Variants in TEC observed in about 807,000 individuals in gnomAD.
TEC encodes the protein tyrosine-protein kinase Tec.
TEC carries 72 observed loss-of-function variants against 93.0 expected under a neutral mutation model. That is an observed-to-expected ratio of 0.77 (90% CI 0.64 to 0.94). The LOEUF is 0.94. Among genes scored for constraint, TEC ranks in the 40% least tolerant of loss-of-function variants. The pLI is 0.00. For synonymous variants in TEC, 249 were observed against 247.7 expected (o/e 1.01, Z -0.05); for missense variants, 630 against 757.9 (o/e 0.83, Z 1.98).
In TEC at chr4:48,137,357, C is replaced by T. The variant is rs1719468043; in HGVS notation, c.*59G>A. 2 of 1,395,536 alleles carry T rather than the reference C, an allele frequency of 1.4e-6. No individual in the cohort carries two copies. Among genetic ancestry groups the T allele is most frequent in the Non-Finnish European group, 2.0e-6 (2 of 992,034 alleles). The allele number at this position is 1,395,536 out of a possible 1,614,324, so 86.4% of individuals were successfully genotyped here. The stretch of plus-strand genomic sequence containing the variant: ...TCCAAGTGCTCAATAAATTAAAAGC[C>T]ACAAAATGCCCATCCTTCCTTGTGC... On this transcript the variant is annotated 3_prime_UTR_variant, in exon 18 of 18. Transcript: ENST00000381501.
intron 7 of TEC, among the ~76,000 whole-genome samples, chr4:48,165,647 A>C (rs775962147): frequency 9.2e-5 from 14 of 152,234 alleles, no homozygotes; most frequent in Non-Finnish European, 1.6e-4. Flanking sequence ...TCGCCAGTTC[A>C]CAAGAAATAC....
At position 48,137,364 on chromosome 4, in the gene TEC, T is replaced by A. The variant is rs1382662405; in HGVS notation, c.*52A>T. Reference sequence around the variant, plus strand: ...GCTCAATAAATTAAAAGCCACAAAATGCCCATCCTTCCTTGTGCTTGGGAA... The same window carrying A: ...GCTCAATAAATTAAAAGCCACAAAAAGCCCATCCTTCCTTGTGCTTGGGAA... On this transcript the variant is annotated 3_prime_UTR_variant, in exon 18 of 18. Transcript: ENST00000381501. 5 of 1,438,468 alleles carry A rather than the reference T, an allele frequency of 3.5e-6. No homozygotes were observed. The highest frequency in any genetic ancestry group is 4.9e-6 in the Non-Finnish European group (5 of 1,028,172). The allele number at this position is 1,438,468 out of a possible 1,614,324, so 89.1% of individuals were successfully genotyped here.
At chr4:48,155,247 T>C (rs1244540487) in intron 9 of TEC, among the ~76,000 whole-genome samples, 4 of 152,246 alleles carry the variant, frequency 2.6e-5, no homozygotes, top group African/African-American at 9.6e-5. Context: ...GTTTCTTCTA[T>C]TGTAAAACAG....
At chr4:48,171,684 T>G (rs1185261240) in intron 3 of TEC, among the ~76,000 whole-genome samples, 1 of 152,206 alleles carries the variant, frequency 6.6e-6, no homozygotes. Context: ...GAAAAAAATA[T>G]AAAGGCCAGG....
chr4:48,137,381 G>A lies in TEC; in HGVS notation c.*35C>T. ...CCACAAAATGCCCATCCTTCCTTGTGCTTGGGAATCTGGGAGCCACTGGTC... is the reference window on the plus strand; with the variant it reads ...CCACAAAATGCCCATCCTTCCTTGTACTTGGGAATCTGGGAGCCACTGGTC... On this transcript the variant is annotated 3_prime_UTR_variant, in exon 18 of 18. Transcript: ENST00000381501. 6.4e-7 allele frequency: 1 copy of A among 1,564,728 alleles called. No homozygotes were observed. Among genetic ancestry groups the A allele is most frequent in the Non-Finnish European group, 8.8e-7 (1 of 1,137,704 alleles).
intron 2 of TEC, among the ~76,000 whole-genome samples, chr4:48,176,391 T>C (rs1013727939): frequency 3.4e-5 from 5 of 149,244 alleles, no homozygotes; most frequent in Non-Finnish European, 7.4e-5. Context: ...CTTTAATTTA[T>C]CAAGATGAAA....
chr4:48,150,994 T>C, intron 9 of TEC, 52 bp from the exon 10 acceptor site: 1 of 1,149,464 alleles, frequency 8.7e-7, no homozygotes, highest in Non-Finnish European at 1.3e-6. Context: ...CTAATAGCAT[T>C]GCCATGGAGA....
chr4:48,192,187 G>A (rs1452960796), intron 2 of TEC, among the ~76,000 whole-genome samples: 1 of 152,158 alleles, frequency 6.6e-6, no homozygotes, highest in Non-Finnish European at 1.5e-5. Context: ...ATGCAATATT[G>A]TTATAACCAA....
intron 2 of TEC, among the ~76,000 whole-genome samples, chr4:48,179,166 C>G (rs1721453343): frequency 6.6e-6 from 1 of 151,690 alleles, no homozygotes; most frequent in Non-Finnish European, 1.5e-5. Context: ...AAGCTCATTT[C>G]CTGAGCTTGT....
chr4:48,161,819 A>T (rs1415777442), intron 8 of TEC, among the ~76,000 whole-genome samples: 1 of 152,072 alleles, frequency 6.6e-6, no homozygotes, highest in Non-Finnish European at 1.5e-5. Flanking sequence ...GCACAACCAG[A>T]ATAAAAGCAG....
chr4:48,264,641 A>ATT (rs33996960), intron 1 of TEC, among the ~76,000 whole-genome samples: 61,417 of 145,088 alleles, frequency 0.42, 13,393 homozygotes, highest in South Asian at 0.51. Context: ...CATCTTCAGC[A>ATT]TTTTTTTTTT....
chr4:48,184,050 G>T (rs906444182), intron 2 of TEC, among the ~76,000 whole-genome samples: 7 of 152,098 alleles, frequency 4.6e-5, no homozygotes, highest in African/African-American at 1.7e-4. Context: ...TTAAAAAAAA[G>T]AATATTATCA....
chr4:48,246,735 C>T (rs1389323212), intron 1 of TEC, among the ~76,000 whole-genome samples: 2 of 152,038 alleles, frequency 1.3e-5, no homozygotes, highest in Non-Finnish European at 1.5e-5. Flanking sequence ...CTACCTCACA[C>T]CATATACAAA....
chr4:48,253,015 A>G (rs1245430472), intron 1 of TEC, among the ~76,000 whole-genome samples: 1 of 152,234 alleles, frequency 6.6e-6, no homozygotes, highest in East Asian at 1.9e-4. Context: ...TAGGTGAATC[A>G]TATAGAATGC....
At chr4:48,174,805 T>C (rs1467364252) in intron 3 of TEC, among the ~76,000 whole-genome samples, 1 of 152,194 alleles carries the variant, frequency 6.6e-6, no homozygotes, top group Non-Finnish European at 1.5e-5. Context: ...GTAATATTAA[T>C]AGCAGCAGCA....
chr4:48,252,025 C>G (rs1164235775), intron 1 of TEC, among the ~76,000 whole-genome samples: 1 of 152,094 alleles, frequency 6.6e-6, no homozygotes, highest in African/African-American at 2.4e-5. Context: ...AATACTAAAG[C>G]AGAAAAAACA....
chr4:48,145,373 C>T (rs775730035), intron 13 of TEC, 35 bp downstream of exon 13: 202 of 1,612,808 alleles, frequency 1.3e-4, no homozygotes, highest in East Asian at 3.3e-4. Context: ...CTTCTTAATA[C>T]AAAAAGATGA....
In TEC at chr4:48,136,180, C is replaced by G. The variant is rs886966133; in HGVS notation, c.*1236G>C. On this transcript the variant is annotated 3_prime_UTR_variant, in exon 18 of 18. Coordinates refer to ENST00000381501, the MANE Select transcript of TEC (RefSeq NM_003215.3). ...CGCTCACAAGGCAAAAAGGAAGGCC[C>G]TAATTCCGTTGATGTCTTAGTAGAG... 1.2e-4 allele frequency: 19 copies of G among 152,366 alleles called. No individual in the cohort carries two copies. The highest frequency in any genetic ancestry group is 4.6e-4 in the Admixed American group (7 of 15,306). 9.4% of individuals were successfully genotyped at this position (152,366 alleles called of 1,614,324 possible).
At chr4:48,239,862 G>A (rs1219722987) in intron 1 of TEC, among the ~76,000 whole-genome samples, 3 of 152,000 alleles carry the variant, frequency 2.0e-5, no homozygotes, top group Non-Finnish European at 2.9e-5. Context: ...AGACAATTAT[G>A]GCAACTTGAA....
Sources: gnomAD v4.1 joint callset for allele counts (sites outside exome capture counted in the v4.1 genomes callset) on GRCh38, gnomAD v4.1.1 for gene constraint, MANE v1.5 for transcripts, NCBI Gene and HGNC (gene_info 2026-07-23, HGNC 2026-07-21) for gene names.